The following ARFIP1 variants were observed in gnomAD, a reference collection of about 807,000 sequenced individuals.
The protein encoded by ARFIP1 is ARF interacting protein 1.
A neutral mutation model predicts 42.5 loss-of-function variants in ARFIP1; 24 were observed. The ratio of observed to expected loss-of-function variants is 0.57; its 90% CI spans 0.41 to 0.80. The LOEUF (loss-of-function observed/expected upper bound fraction) is 0.80, where lower values mean the gene tolerates loss of function less well. Among genes scored for constraint, ARFIP1 ranks in the 30% least tolerant of loss-of-function variants. The pLI is 0.00. For missense variants in ARFIP1, 354 were observed against 434.0 expected, an observed-to-expected ratio of 0.82 and a Z score of 1.64; for synonymous variants, 141 against 153.7, an observed-to-expected ratio of 0.92 and a Z score of 0.61.
chr4:152,801,858 A>G (rs1728447614), intron 1 of ARFIP1, among the ~76,000 whole-genome samples: 1 of 152,168 alleles, frequency 6.6e-6, no homozygotes, highest in South Asian at 2.1e-4. Flanking sequence ...TGTGTTATAT[A>G]TAGGTGAGGT....
chr4:152,912,248 T>C lies in ARFIP1; in HGVS notation c.*2029T>C, dbSNP rs1213944216. On this transcript the variant is annotated 3_prime_UTR_variant, in exon 9 of 9. Coordinates refer to ENST00000353617, the MANE Select transcript of ARFIP1 (RefSeq NM_001025595.3). ...ATATTTAGCCAATGGTACATTTACTTTGTTAGGAATGTAATTTATGTTCAT... is the reference window on the plus strand; with the variant it reads ...ATATTTAGCCAATGGTACATTTACTCTGTTAGGAATGTAATTTATGTTCAT... 6.6e-6 allele frequency: 1 copy of C among 152,172 alleles called. No homozygotes were observed. Among genetic ancestry groups the C allele is most frequent in the Non-Finnish European group, 1.5e-5 (1 of 68,008 alleles). The allele number at this position is 152,172 out of a possible 1,614,324, so 9.4% of individuals were successfully genotyped here. A position where few individuals can be genotyped will look rare whatever the true frequency, so the allele number is the denominator to read the frequency against.
At chr4:152,889,776 A>G (rs1561173544) in intron 8 of ARFIP1, among the ~76,000 whole-genome samples, 2 of 58,008 alleles carry the variant, frequency 3.4e-5, no homozygotes, top group Non-Finnish European at 5.6e-5. Context: ...ACTATATACT[A>G]TATATACTAT....
At position 152,905,829 on chromosome 4, in the gene ARFIP1, A is replaced by G. The variant is rs1738314635; in HGVS notation, c.967-4235A>G. ...CAGCCTCCCAAAGTTCTGGGATTAC[A>G]GGCATGGGCCACCGTGCCTGGCCAA... On this transcript the variant is annotated intron_variant, in intron 8 of 8. Coordinates refer to ENST00000353617, the MANE Select transcript of ARFIP1 (RefSeq NM_001025595.3). Among the ~76,000 whole-genome samples, 3 of 151,992 alleles carry G rather than the reference A, an allele frequency of 2.0e-5. No homozygotes were observed. The South Asian group carries it at 6.2e-4, about 32-fold the overall frequency.
intron 1 of ARFIP1, among the ~76,000 whole-genome samples, chr4:152,804,090 GTAAT>G (rs1728670372): frequency 1.7e-4 from 8 of 45,920 alleles, no homozygotes; most frequent in South Asian, 5.2e-4. Flanking sequence ...ATAATATAAC[GTAAT>G]ATATATTATA....
Position 152,910,182 on chromosome 4 carries a change from C to G in ARFIP1, c.1085C>G (p.Pro362Arg). The G allele has an allele frequency of 6.2e-7, 1 of 1,613,934 alleles. No individual in the cohort carries two copies. ...CAGTTCCATATCAAATTGAAAACCCCTGGAGTGGATGCCCCATCTTGGCTT... is the reference window on the plus strand; with the variant it reads ...CAGTTCCATATCAAATTGAAAACCCGTGGAGTGGATGCCCCATCTTGGCTT... ...LKQFHIKLKT[P>R]GVDAPSWLEE... Residue 362 changes from proline (P) to arginine (R), a missense_variant, in exon 9 of 9, where the codon CCT becomes CGT. Coordinates refer to ENST00000353617, the MANE Select transcript of ARFIP1 (RefSeq NM_001025595.3).
At chr4:152,903,382 ATC>A (rs1738009589) in intron 8 of ARFIP1, among the ~76,000 whole-genome samples, 1 of 152,204 alleles carries the variant, frequency 6.6e-6, no homozygotes, top group South Asian at 2.1e-4. Flanking sequence ...GAGATAAATT[ATC>A]TGTTTTGTTA....
At chr4:152,818,841 G>A (rs1730122640) in intron 1 of ARFIP1, among the ~76,000 whole-genome samples, 1 of 152,186 alleles carries the variant, frequency 6.6e-6, no homozygotes, top group African/African-American at 2.4e-5. Context: ...GTGGGACTTA[G>A]TGCTGCCTGC....
chr4:152,842,664 C>T (rs532981328), intron 2 of ARFIP1, among the ~76,000 whole-genome samples: 3 of 152,140 alleles, frequency 2.0e-5, no homozygotes, highest in East Asian at 1.9e-4. Flanking sequence ...ACCTTGCCTT[C>T]GAGCTCGGAA....
intron 1 of ARFIP1, among the ~76,000 whole-genome samples, chr4:152,808,923 G>A (rs1435566358): frequency 1.3e-5 from 2 of 152,138 alleles, no homozygotes; most frequent in African/African-American, 4.8e-5. Context: ...ATGGTGGCAT[G>A]TGCCTGTAAT....
intron 1 of ARFIP1, among the ~76,000 whole-genome samples, chr4:152,798,528 G>A (rs571312914): frequency 1.1e-4 from 17 of 152,132 alleles, no homozygotes; most frequent in Non-Finnish European, 2.2e-4. Flanking sequence ...TTATGAATAC[G>A]GTATGTACTA....
intron 1 of ARFIP1, among the ~76,000 whole-genome samples, chr4:152,802,065 C>T (rs764585179): frequency 8.5e-5 from 13 of 152,238 alleles, no homozygotes; most frequent in Middle Eastern, 3.4e-3. Context: ...ATACATTAAC[C>T]ACTTTTCAAA....
At chr4:152,837,416 C>T (rs1250538156) in intron 2 of ARFIP1, among the ~76,000 whole-genome samples, 4 of 152,162 alleles carry the variant, frequency 2.6e-5, no homozygotes, top group South Asian at 2.1e-4. Context: ...GTTTCCTGTT[C>T]ACCGCATCCA....
chr4:152,897,668 T>C (rs1737456800), intron 8 of ARFIP1, among the ~76,000 whole-genome samples: 2 of 152,226 alleles, frequency 1.3e-5, no homozygotes, highest in South Asian at 4.1e-4. Context: ...ATGGTTGATA[T>C]ACATGTGTGC....
chr4:152,883,400 T>G (rs1736007214), intron 7 of ARFIP1: 1 of 152,162 alleles, frequency 6.6e-6, no homozygotes, highest in Non-Finnish European at 1.5e-5. Flanking sequence ...GCCAGACCCA[T>G]ACTTTCAGTT....
At chr4:152,801,982 G>T (rs551823573) in intron 1 of ARFIP1, among the ~76,000 whole-genome samples, 2 of 152,272 alleles carry the variant, frequency 1.3e-5, no homozygotes, top group South Asian at 4.1e-4. Context: ...ATGTTGGTTA[G>T]TTCTGCAATT....
intron 6 of ARFIP1, among the ~76,000 whole-genome samples, chr4:152,882,298 C>CA (rs34005305): frequency 7.3e-5 from 11 of 151,546 alleles, no homozygotes; most frequent in Middle Eastern, 6.8e-3. Context: ...AGTCAAAACA[C>CA]AAAAAAAATG....
chr4:152,874,918 C>T (rs1378869411), intron 5 of ARFIP1, among the ~76,000 whole-genome samples: 1 of 152,136 alleles, frequency 6.6e-6, no homozygotes, highest in Non-Finnish European at 1.5e-5. Flanking sequence ...CCACCTCAGC[C>T]TCCCAAAGTG....
chr4:152,882,056 A>G (rs1325137099), intron 6 of ARFIP1, among the ~76,000 whole-genome samples: 1 of 152,158 alleles, frequency 6.6e-6, no homozygotes, highest in Non-Finnish European at 1.5e-5. Flanking sequence ...TGCACTGGAA[A>G]GCTTTCACTG....
At chr4:152,835,352 C>T (rs1731566061) in intron 2 of ARFIP1, among the ~76,000 whole-genome samples, 1 of 152,184 alleles carries the variant, frequency 6.6e-6, no homozygotes, top group African/African-American at 2.4e-5. Context: ...TTTCTTCTGC[C>T]AGATAACCTA....
Sources: allele counts gnomAD v4.1 joint callset (sites outside exome capture counted in the v4.1 genomes callset), GRCh38; gene constraint gnomAD v4.1.1; transcripts MANE v1.5; gene names NCBI Gene and HGNC (gene_info 2026-07-23, HGNC 2026-07-21).